NOL4L: variants seen among roughly 807,000 people sequenced by gnomAD.
NOL4L encodes the protein nucleolar protein 4-like.
Under a neutral mutation model 64.5 loss-of-function variants are expected in NOL4L, and 7 were observed. The ratio of observed to expected loss-of-function variants is 0.11; its 90% confidence interval spans 0.06 to 0.20. NOL4L has a LOEUF of 0.20. Ranked by LOEUF, NOL4L falls within the 10% of genes least tolerant of loss-of-function variation. The probability of loss-of-function intolerance (pLI) is 1.00; values close to 1 mark genes in which losing one functional copy is unlikely to be tolerated. For synonymous variants in NOL4L, 413 were observed against 401.0 expected (o/e 1.03, Z -0.36); for missense variants, 680 against 967.1 (o/e 0.70, Z 3.94).
intron 1 of NOL4L, among the ~76,000 whole-genome samples, chr20:32,552,377 A>T (rs1470587487): frequency 2.0e-5 from 3 of 148,270 alleles, no homozygotes; most frequent in Admixed American, 6.7e-5. Context: ...TACTTGATTA[A>T]TTTTTTTTTT....
rs374167288 is a variant in NOL4L at position 32,453,567 on chromosome 20, G to A, written c.1305+9C>T. ...CATCCCACCCCACCTGTTTCCGGCCGGTGCTCACGTTGAAGGCCTTAAGAC... is the reference window on the plus strand; with the variant it reads ...CATCCCACCCCACCTGTTTCCGGCCAGTGCTCACGTTGAAGGCCTTAAGAC... On this transcript the variant is annotated intron_variant, in intron 7 of 10. Coordinates refer to ENST00000621426, the MANE Select transcript of NOL4L (RefSeq NM_001256798.2). This position sits in a 1 kb window ranked among gnomAD's most constrained non-coding sequence, Gnocchi z 5.6. 3.9e-5 allele frequency: 63 copies of A among 1,613,852 alleles called. No homozygotes were observed. Among genetic ancestry groups the A allele is most frequent in the Admixed American group, 6.7e-5 (4 of 60,024 alleles).
intron 5 of NOL4L, among the ~76,000 whole-genome samples, chr20:32,468,931 A>G (rs1187394150): frequency 6.6e-6 from 1 of 151,604 alleles, no homozygotes; most frequent in East Asian, 1.9e-4. Context: ...GAAAGAAAGA[A>G]AGAAAGAAAA....
Position 32,453,232 on chromosome 20 carries a change from G to A in NOL4L, c.1497+72C>T. ...GAAGACCCTGGGTGAAGGGGCCCGG[G>A]CATCCTGGGAGTGTGGCAGGAGGTC... is the stretch of plus-strand genomic sequence containing the variant. On this transcript the variant is annotated intron_variant, in intron 8 of 10. Coordinates refer to ENST00000621426, the MANE Select transcript of NOL4L (RefSeq NM_001256798.2). This position sits in a 1 kb window ranked among gnomAD's most constrained non-coding sequence, Gnocchi z 5.6. The A allele has an allele frequency of 6.5e-7, 1 of 1,543,982 alleles. No homozygotes were observed. The highest frequency in any genetic ancestry group is 1.8e-5 in the Admixed American group (1 of 55,706).
At chr20:32,554,378 G>A (rs1422220924) in intron 1 of NOL4L, among the ~76,000 whole-genome samples, 2 of 150,082 alleles carry the variant, frequency 1.3e-5, no homozygotes, top group Non-Finnish European at 2.9e-5. Context: ...TGAACAAACA[G>A]GCTCAGAGGT....
intron 4 of NOL4L, chr20:32,475,430 G>T: frequency 4.2e-6 from 3 of 710,258 alleles, no homozygotes; most frequent in Non-Finnish European, 5.2e-6. Flanking sequence ...GGCCTGGGGG[G>T]CCGCCAGGGC....
chr20:32,482,192 G>A (rs2015770780), intron 4 of NOL4L, among the ~76,000 whole-genome samples: 1 of 152,110 alleles, frequency 6.6e-6, no homozygotes, highest in East Asian at 1.9e-4. Flanking sequence ...TGAATTAATG[G>A]GTTTGTGGCT....
chr20:32,503,641 T>C (rs907122373), intron 4 of NOL4L, among the ~76,000 whole-genome samples: 2 of 152,218 alleles, frequency 1.3e-5, no homozygotes, highest in Non-Finnish European at 1.5e-5. Context: ...AAATGGCTAT[T>C]CCAAGACAGT....
intron 4 of NOL4L, among the ~76,000 whole-genome samples, chr20:32,479,467 C>T (rs2015591689): frequency 1.3e-5 from 2 of 152,214 alleles, no homozygotes; most frequent in South Asian, 2.1e-4. Context: ...TGTGATGGCT[C>T]ACACCTGTAA....
At chr20:32,568,004 A>G (rs1226290686) in intron 1 of NOL4L, among the ~76,000 whole-genome samples, 5 of 151,686 alleles carry the variant, frequency 3.3e-5, no homozygotes, top group Admixed American at 3.3e-4. Context: ...CACCATATTC[A>G]TCACCATCAT....
intron 5 of NOL4L, chr20:32,465,072 C>A: frequency 1.7e-6 from 1 of 602,242 alleles, no homozygotes; most frequent in Non-Finnish European, 3.0e-6. Flanking sequence ...GTCCAAGCTG[C>A]AGATGATGTT....
At chr20:32,479,892 A>T (rs2015615206) in intron 4 of NOL4L, among the ~76,000 whole-genome samples, 2 of 151,700 alleles carry the variant, frequency 1.3e-5, no homozygotes, top group South Asian at 4.2e-4. Context: ...AGCTGACCAG[A>T]CTCTCCCTGC....
chr20:32,485,058 C>CAAAAAAAAAAAAAAAA lies in NOL4L; in HGVS notation c.700-10332_700-10317dup, dbSNP rs57444583. Among the ~76,000 whole-genome samples, 127 of 17,788 alleles carry CAAAAAAAAAAAAAAAA rather than the reference C, an allele frequency of 7.1e-3. 6 individuals are homozygous for CAAAAAAAAAAAAAAAA. The highest frequency in any genetic ancestry group is 0.027 in the East Asian group (10 of 376). The allele number at this position is 17,788 out of a possible 152,430, so 11.7% of individuals were successfully genotyped here. Reference sequence around the variant, plus strand: ...TCGTGGAATTCTGTGGGGAAATTGCCAAAAAAAAAAAAAAAAAAAAAAAAA... The same window carrying CAAAAAAAAAAAAAAAA: ...TCGTGGAATTCTGTGGGGAAATTGCCAAAAAAAAAAAAAAAAAAAAAAAAAAAAAAAAAAAAAAAAA... On this transcript the variant is annotated intron_variant, in intron 4 of 10. Coordinates refer to ENST00000621426, the MANE Select transcript of NOL4L (RefSeq NM_001256798.2).
At chr20:32,513,068 T>A (rs2017479292) in intron 3 of NOL4L, among the ~76,000 whole-genome samples, 1 of 152,194 alleles carries the variant, frequency 6.6e-6, no homozygotes, top group African/African-American at 2.4e-5. Flanking sequence ...CAGGCCAGAT[T>A]CATTTTGCCC....
chr20:32,512,742 G>T (rs1035454879), intron 3 of NOL4L, among the ~76,000 whole-genome samples: 1 of 151,762 alleles, frequency 6.6e-6, no homozygotes, highest in Non-Finnish European at 1.5e-5. Flanking sequence ...CCAACATCAA[G>T]AATCTTATTT....
intron 1 of NOL4L, among the ~76,000 whole-genome samples, chr20:32,576,750 A>G (rs4911245): frequency 0.53 from 80,466 of 152,120 alleles, 25,546 homozygotes; most frequent in East Asian, 0.94. Flanking sequence ...CGCCCAGGCC[A>G]GGCCTGCAGC....
intron 4 of NOL4L, among the ~76,000 whole-genome samples, chr20:32,488,382 G>A (rs79893408): frequency 0.013 from 1,973 of 152,260 alleles, 46 homozygotes; most frequent in African/African-American, 0.045. Flanking sequence ...GAGGGTGTGT[G>A]ACTGCCAAGG....
Position 32,584,732 on chromosome 20 carries a change from G to A in NOL4L, c.159C>T (p.Ala53=). ...TCCCGCCGCCGCCCTGCAGGACCTC[G>A]GCGATCCGCTGGTATTTGCTGCGTG... ...TVTRSKYQRI[A]EVLQGGGGTG... Residue 53 remains alanine, a synonymous_variant, in exon 1 of 11, where the codon GCC becomes GCT. Transcript: ENST00000621426. 2 of 1,547,954 alleles carry A rather than the reference G, an allele frequency of 1.3e-6. No individual in the cohort carries two copies. Among genetic ancestry groups the A allele is most frequent in the East Asian group, 4.9e-5 (2 of 40,762 alleles).
chr20:32,537,948 T>C (rs2018579262), intron 1 of NOL4L, among the ~76,000 whole-genome samples: 1 of 152,084 alleles, frequency 6.6e-6, no homozygotes, highest in Non-Finnish European at 1.5e-5. Flanking sequence ...CTGGCTAATT[T>C]TTGCAGTTTT....
At chr20:32,522,050 C>T (rs981791402) in intron 2 of NOL4L, among the ~76,000 whole-genome samples, 10 of 152,182 alleles carry the variant, frequency 6.6e-5, no homozygotes, top group African/African-American at 2.4e-4. Flanking sequence ...TGTCCTTCTC[C>T]ATCTCTGTGA....
Sources: gnomAD v4.1 joint callset for allele counts (sites outside exome capture counted in the v4.1 genomes callset) on GRCh38, gnomAD v4.1.1 for gene constraint, Gnocchi (gnomAD v3.1) non-coding constraint, MANE v1.5 for transcripts, NCBI Gene and HGNC (gene_info 2026-07-23, HGNC 2026-07-21) for gene names.